The following COL25A1 variants were observed in gnomAD, a reference collection of about 807,000 sequenced individuals.
COL25A1 encodes collagen alpha-1(XXV) chain.
A neutral mutation model predicts 128.4 loss-of-function variants in COL25A1; 103 were observed. The ratio of observed to expected loss-of-function variants is 0.80; its 90% CI spans 0.68 to 0.94. The LOEUF (loss-of-function observed/expected upper bound fraction) is 0.94. COL25A1 is among the 40% of genes least tolerant of loss of function. COL25A1 has a pLI of 0.00. For synonymous variants in COL25A1, 279 were observed against 277.2 expected, an observed-to-expected ratio of 1.01 and a Z score of -0.06; for missense variants, 745 against 840.0, an observed-to-expected ratio of 0.89 and a Z score of 1.40.
At chr4:108,890,423 T>G (rs1042095467) in intron 16 of COL25A1, among the ~76,000 whole-genome samples, 1 of 152,210 alleles carries the variant, frequency 6.6e-6, no homozygotes, top group African/African-American at 2.4e-5. Flanking sequence ...AGAATCTGTT[T>G]TTTTATAAGG....
chr4:109,262,456 G>A (rs4956254), intron 3 of COL25A1, among the ~76,000 whole-genome samples: 5,220 of 152,208 alleles, frequency 0.034, 314 homozygotes, highest in East Asian at 0.23. Context: ...GGAGGTTACA[G>A]TGAGCAGAGA....
intron 6 of COL25A1, among the ~76,000 whole-genome samples, chr4:109,010,029 A>G (rs1226783809): frequency 1.3e-5 from 2 of 152,272 alleles, no homozygotes; most frequent in African/African-American, 2.4e-5. Context: ...TACATGATTA[A>G]TCAGTACATA....
chr4:109,092,138 G>A (rs28516043), intron 3 of COL25A1, among the ~76,000 whole-genome samples: 13,244 of 152,076 alleles, frequency 0.087, 775 homozygotes, highest in East Asian at 0.29. Context: ...GAAAGTGACC[G>A]TAAGACAAGG....
chr4:109,121,855 A>G (rs1768135729), intron 3 of COL25A1, among the ~76,000 whole-genome samples: 1 of 152,152 alleles, frequency 6.6e-6, no homozygotes, highest in Non-Finnish European at 1.5e-5. Context: ...CATAATTGCC[A>G]AAACTTGTAA....
chr4:109,278,415 A>C (rs1723053340), intron 3 of COL25A1, among the ~76,000 whole-genome samples: 1 of 152,226 alleles, frequency 6.6e-6, no homozygotes, highest in Non-Finnish European at 1.5e-5. Context: ...TTAAATTATT[A>C]ATTTGTATTG....
chr4:109,048,287 A>C, intron 4 of COL25A1, 112 bp from the exon 5 acceptor site: 2 of 1,033,190 alleles, frequency 1.9e-6, no homozygotes, highest in Non-Finnish European at 2.9e-6. Flanking sequence ...CATAATAGAC[A>C]TGGAAGTTTT....
chr4:109,203,191 A>G (rs1776709126), intron 3 of COL25A1, among the ~76,000 whole-genome samples: 1 of 152,128 alleles, frequency 6.6e-6, no homozygotes, highest in African/African-American at 2.4e-5. Context: ...GAAAAACAGG[A>G]TGCATATGAG....
chr4:108,897,408 G>A (rs114279767), intron 15 of COL25A1, among the ~76,000 whole-genome samples: 1,763 of 152,160 alleles, frequency 0.012, 13 homozygotes, highest in Non-Finnish European at 0.016. Context: ...ATAAGCATTC[G>A]TTTATTATCT....
Position 108,966,378 on chromosome 4 carries a change from A to G in COL25A1, c.492+7989T>C, listed in dbSNP as rs137996078. Among the ~76,000 whole-genome samples, 1,086 of 152,242 alleles carry G rather than the reference A, an allele frequency of 7.1e-3. 14 individuals carry two copies. The highest frequency in any genetic ancestry group is 0.024 in the African/African-American group (1,013 of 41,528). On this transcript the variant is annotated intron_variant, in intron 8 of 37. Transcript: ENST00000399132. ...CCCCAGCTTTTTCAGTCTTATTCAC[A>G]GAGGCCTGGGATTTTCAAGTTGAAA...
At chr4:108,858,625 G>A (rs1042379211) in intron 24 of COL25A1, among the ~76,000 whole-genome samples, 1 of 152,056 alleles carries the variant, frequency 6.6e-6, no homozygotes, top group Non-Finnish European at 1.5e-5. Context: ...CATCCATAAT[G>A]GAAATATTCT....
chr4:108,939,121 T>C (rs1258040288), intron 10 of COL25A1, among the ~76,000 whole-genome samples: 1 of 152,246 alleles, frequency 6.6e-6, no homozygotes, highest in Non-Finnish European at 1.5e-5. Flanking sequence ...GTATAGCATA[T>C]AATGCTCAAT....
chr4:109,147,084 C>T (rs1169666997), intron 3 of COL25A1, among the ~76,000 whole-genome samples: 2 of 152,200 alleles, frequency 1.3e-5, no homozygotes, highest in Admixed American at 6.5e-5. Flanking sequence ...GTAAAATCGC[C>T]AGCAGTTAAA....
In COL25A1 at chr4:108,869,113, C is replaced by A. The variant is rs1738371558; in HGVS notation, c.1058G>T (p.Gly353Val). 31 of 1,559,718 alleles carry A rather than the reference C, an allele frequency of 2.0e-5. No homozygotes were observed. The highest frequency in any genetic ancestry group is 2.7e-5 in the Non-Finnish European group (31 of 1,158,618). Reference protein sequence around the residue: ...PGFIGPQGEPGLPGLPGTKGE... With the variant: ...PGFIGPQGEPVLPGLPGTKGE... ...TTTTGTTCCTGGTAAACCTGGTAAG[C>A]CTGGTTCTCCTTGAGGACCAATGAA... Residue 353 changes from glycine (G) to valine (V), a missense_variant, in exon 20 of 38, where the codon GGC becomes GTC. Transcript: ENST00000399132.
intron 18 of COL25A1, among the ~76,000 whole-genome samples, chr4:108,886,874 A>G (rs549670754): frequency 1.3e-5 from 2 of 152,124 alleles, no homozygotes; most frequent in South Asian, 4.2e-4. Context: ...CCTTCACCTC[A>G]TGTCCCTGCT....
At chr4:109,023,566 G>A (rs1487037482) in intron 5 of COL25A1, among the ~76,000 whole-genome samples, 2 of 152,172 alleles carry the variant, frequency 1.3e-5, no homozygotes, top group African/African-American at 4.8e-5. Context: ...TTGAACTGGA[G>A]GAAGAAAGAA....
chr4:109,238,990 AC>A (rs1470640081), intron 3 of COL25A1, among the ~76,000 whole-genome samples: 1 of 151,894 alleles, frequency 6.6e-6, no homozygotes, highest in Non-Finnish European at 1.5e-5. Context: ...CCCGAGGGGA[AC>A]CCCTTCATAG....
Position 108,860,963 on chromosome 4 carries a change from A to G in COL25A1, c.1206T>C (p.Arg402=). The change falls in exon 23 of 38, where the codon CGT becomes CGC. Residue 402 remains arginine (R), a synonymous_variant. Transcript: ENST00000399132. ...GAGCTCCAGAGTCCCCTTTTTCTCC[A>G]CGATCCCCCTTTTCCCGTTGGAAAG... is the stretch of plus-strand genomic sequence containing the variant. ...TRGPKGSKGD[R]GEKGDSGAQG... The G allele has an allele frequency of 1.9e-6, 3 of 1,613,572 alleles. No individual in the cohort carries two copies. The highest frequency in any genetic ancestry group is 2.5e-6 in the Non-Finnish European group (3 of 1,179,600).
intron 11 of COL25A1, among the ~76,000 whole-genome samples, chr4:108,930,437 T>A (rs1048564989): frequency 6.6e-6 from 1 of 152,194 alleles, no homozygotes; most frequent in East Asian, 1.9e-4. Flanking sequence ...ACAAAGACTA[T>A]GTGTTGCCTC....
intron 3 of COL25A1, among the ~76,000 whole-genome samples, chr4:109,275,629 T>C (rs1299345971): frequency 6.6e-6 from 1 of 152,228 alleles, no homozygotes; most frequent in African/African-American, 2.4e-5. Flanking sequence ...TGCTCTTTAA[T>C]GCCAACAAGC....
Sources: gnomAD v4.1 joint callset for allele counts (sites outside exome capture counted in the v4.1 genomes callset) on GRCh38, gnomAD v4.1.1 for gene constraint, MANE v1.5 for transcripts, NCBI Gene and HGNC (gene_info 2026-07-23, HGNC 2026-07-21) for gene names.